Variants in TTL observed in about 807,000 individuals in gnomAD.
The protein encoded by TTL is tubulin tyrosine ligase.
Under a neutral mutation model 41.1 loss-of-function variants are expected in TTL, and 10 were observed. The ratio of observed to expected loss-of-function variants is 0.24; its 90% CI spans 0.15 to 0.41. TTL has a LOEUF of 0.41. Among genes scored for constraint, TTL ranks in the 10% least tolerant of loss-of-function variants. TTL has a pLI of 1.00. For synonymous variants in TTL, 175 were observed against 175.5 expected (o/e 1.00, Z 0.02); for missense variants, 367 against 460.4 (o/e 0.80, Z 1.86).
intron 6 of TTL, among the ~76,000 whole-genome samples, chr2:112,527,920 C>T (rs999942706): frequency 6.6e-6 from 1 of 152,176 alleles, no homozygotes; most frequent in Non-Finnish European, 1.5e-5. Context: ...ATGGTCTTTA[C>T]AGTTTGGCAT....
At chr2:112,498,490 C>T (rs1681596347) in intron 3 of TTL, among the ~76,000 whole-genome samples, 1 of 152,152 alleles carries the variant, frequency 6.6e-6, no homozygotes, top group African/African-American at 2.4e-5. Context: ...ATACCGTGTT[C>T]ATGGATTGCA....
chr2:112,491,115 C>T (rs2104449670), intron 2 of TTL, among the ~76,000 whole-genome samples: 1 of 152,254 alleles, frequency 6.6e-6, no homozygotes, highest in African/African-American at 2.4e-5. Flanking sequence ...CCTCAGCATC[C>T]CGAGTAGCTG....
At chr2:112,502,083 T>C (rs1681715951) in intron 4 of TTL, among the ~76,000 whole-genome samples, 1 of 152,196 alleles carries the variant, frequency 6.6e-6, no homozygotes, top group African/African-American at 2.4e-5. Flanking sequence ...CAGGGGATTT[T>C]AAGTTTCTGA....
Position 112,529,743 on chromosome 2 carries a change from T to G in TTL, c.*948T>G, listed in dbSNP as rs1682461107. On this transcript the variant is annotated 3_prime_UTR_variant, in exon 7 of 7. Transcript: ENST00000233336. ...GTTGCTTTCCCCCTTTTTGTTCTTTTTATGCCCCCAAGCACTTTCTGCAGT... is the reference window on the plus strand; with the variant it reads ...GTTGCTTTCCCCCTTTTTGTTCTTTGTATGCCCCCAAGCACTTTCTGCAGT... The G allele has an allele frequency of 4.5e-6, 1 of 222,526 alleles. No individual in the cohort carries two copies. The highest frequency in any genetic ancestry group is 9.0e-6 in the Non-Finnish European group (1 of 111,408). The allele number at this position is 222,526 out of a possible 1,614,324, so 13.8% of individuals were successfully genotyped here.
chr2:112,514,323 A>T (rs764955270), intron 5 of TTL, among the ~76,000 whole-genome samples: 7 of 151,764 alleles, frequency 4.6e-5, no homozygotes, highest in Non-Finnish European at 1.0e-4. Context: ...TGGAAGTTGC[A>T]GTGAGCCAAA....
At chr2:112,494,953 A>G (rs1681488611) in intron 3 of TTL, among the ~76,000 whole-genome samples, 1 of 152,186 alleles carries the variant, frequency 6.6e-6, no homozygotes, top group Admixed American at 6.6e-5. Context: ...TTCAAAACGT[A>G]AATCTAATCA....
Position 112,482,256 on chromosome 2 carries a change from C to A in TTL, c.-89C>A. On this transcript the variant is annotated 5_prime_UTR_variant, in exon 1 of 7. Coordinates refer to ENST00000233336, the MANE Select transcript of TTL (RefSeq NM_153712.5). The surrounding 1 kb of genome is among the most constrained non-coding windows in gnomAD (Gnocchi z 5.3). ...GCGGCGGGGGCCGGGCCGCGGCGGG[C>A]GCCCGGGCGGGGTCCGCGCTGAGCC... is the stretch of plus-strand genomic sequence containing the variant. The A allele has an allele frequency of 1.1e-6, 1 of 937,912 alleles. No individual in the cohort carries two copies. The highest frequency in any genetic ancestry group is 1.3e-6 in the Non-Finnish European group (1 of 789,704). 58.1% of individuals were successfully genotyped at this position (937,912 alleles called of 1,614,324 possible). A position where few individuals can be genotyped will look rare whatever the true frequency, so the allele number is the denominator to read the frequency against.
At chr2:112,528,619 C>CT in intron 6 of TTL, 62 bp from the exon 7 acceptor site, 1 of 1,412,734 alleles carries the variant, frequency 7.1e-7, no homozygotes, top group South Asian at 1.2e-5. Context: ...CAAAAAACAT[C>CT]TATTTTTTTT....
chr2:112,495,739 C>T (rs529950764), intron 3 of TTL, among the ~76,000 whole-genome samples: 27 of 151,986 alleles, frequency 1.8e-4, no homozygotes, highest in African/African-American at 3.6e-4. Flanking sequence ...CCCAGCTACT[C>T]GGGAGGCTGA....
chr2:112,484,494 A>AC (rs1681186249), intron 1 of TTL, among the ~76,000 whole-genome samples: 3 of 151,520 alleles, frequency 2.0e-5, no homozygotes, highest in Admixed American at 2.0e-4. Context: ...CGAACTCCTG[A>AC]CCTCAGGTGA....
intron 2 of TTL, among the ~76,000 whole-genome samples, chr2:112,491,424 A>G (rs1358246430): frequency 1.3e-5 from 2 of 152,248 alleles, no homozygotes; most frequent in East Asian, 1.9e-4. Flanking sequence ...CTAAAGAAAA[A>G]TACTTAATAT....
chr2:112,517,550 C>G (rs909643288), intron 5 of TTL, among the ~76,000 whole-genome samples: 3 of 151,502 alleles, frequency 2.0e-5, no homozygotes, highest in Non-Finnish European at 1.5e-5. Flanking sequence ...TGTCCAGCCC[C>G]CATTTTATAT....
intron 6 of TTL, among the ~76,000 whole-genome samples, chr2:112,527,570 C>A (rs777354037): frequency 2.6e-5 from 4 of 152,078 alleles, no homozygotes; most frequent in Non-Finnish European, 4.4e-5. Context: ...TATGTAATGG[C>A]CTTCTTTGTC....
Position 112,520,366 on chromosome 2 carries a change from G to T in TTL, c.960G>T (p.Met320Ile). 6.2e-7 allele frequency: 1 copy of T among 1,614,150 alleles called. No homozygotes were observed. Among genetic ancestry groups the T allele is most frequent in the Non-Finnish European group, 8.5e-7 (1 of 1,180,030 alleles). ...TCCAGCTCTTCGGCTTTGACTTCAT[G>T]GTCGATGAGGAGCTGAAGGTGTGGC... is the stretch of plus-strand genomic sequence containing the variant. The part of the protein sequence containing the change: ...QSFQLFGFDF[M>I]VDEELKVWLI... Residue 320 changes from methionine to isoleucine, a missense_variant, in exon 6 of 7, where the codon ATG becomes ATT. Transcript: ENST00000233336.
intron 2 of TTL, among the ~76,000 whole-genome samples, chr2:112,489,900 G>A (rs2104448644): frequency 6.6e-6 from 1 of 152,250 alleles, no homozygotes; most frequent in East Asian, 1.9e-4. Context: ...TGAAAATGAT[G>A]ATTTGACAAA....
At chr2:112,515,948 G>GAATGAATA (rs894533601) in intron 5 of TTL, among the ~76,000 whole-genome samples, 2 of 145,532 alleles carry the variant, frequency 1.4e-5, no homozygotes, top group African/African-American at 5.1e-5. Flanking sequence ...CTCCATCTCA[G>GAATGAATA]AATAAATAAA....
chr2:112,501,882 A>C (rs1050908663), intron 4 of TTL, among the ~76,000 whole-genome samples: 8 of 137,372 alleles, frequency 5.8e-5, no homozygotes, highest in Non-Finnish European at 1.3e-4. Context: ...AAAAAAAAAA[A>C]AAATCTTTTC....
intron 5 of TTL, among the ~76,000 whole-genome samples, chr2:112,514,678 G>A (rs1307060231): frequency 1.3e-5 from 2 of 152,154 alleles, no homozygotes; most frequent in African/African-American, 4.8e-5. Context: ...ACTATGAGAT[G>A]TGTGTAGTTT....
intron 6 of TTL, among the ~76,000 whole-genome samples, chr2:112,527,181 A>G (rs891433853): frequency 6.6e-6 from 1 of 152,130 alleles, no homozygotes; most frequent in African/African-American, 2.4e-5. Context: ...GTTCTTTTAC[A>G]TTTGCTGAGG....
Sources: gnomAD v4.1 joint callset for allele counts (sites outside exome capture counted in the v4.1 genomes callset) on GRCh38, gnomAD v4.1.1 for gene constraint, Gnocchi (gnomAD v3.1) non-coding constraint, MANE v1.5 for transcripts, NCBI Gene and HGNC (gene_info 2026-07-23, HGNC 2026-07-21) for gene names.